SGTB: variants seen among roughly 807,000 people sequenced by gnomAD.
SGTB encodes the protein small glutamine rich tetratricopeptide repeat co-chaperone beta.
In SGTB, 19 loss-of-function variants were observed where a neutral mutation model predicts 43.9. The ratio of observed to expected loss-of-function variants is 0.43; its 90% CI spans 0.30 to 0.63. The LOEUF is 0.63. Ranked by LOEUF, SGTB falls within the 30% of genes least tolerant of loss-of-function variation. SGTB has a pLI of 0.12. For missense variants in SGTB, 304 were observed against 358.9 expected (o/e 0.85, Z 1.24); for synonymous variants, 116 against 117.3 (o/e 0.99, Z 0.07).
At chr5:65,710,504 T>C (rs746269335) in intron 3 of SGTB, among the ~76,000 whole-genome samples, 5 of 152,150 alleles carry the variant, frequency 3.3e-5, no homozygotes, top group African/African-American at 1.2e-4. Flanking sequence ...ATAAACATAA[T>C]TGGAGAAAAA....
At chr5:65,692,939 C>T (rs58166822) in intron 5 of SGTB, among the ~76,000 whole-genome samples, 2,773 of 152,190 alleles carry the variant, frequency 0.018, 68 homozygotes, top group African/African-American at 0.055. Flanking sequence ...GGTGCGGTGG[C>T]TCATGCCTGT....
intron 5 of SGTB, among the ~76,000 whole-genome samples, chr5:65,695,990 T>G (rs1044545546): frequency 6.6e-6 from 1 of 152,224 alleles, no homozygotes; most frequent in Non-Finnish European, 1.5e-5. Flanking sequence ...CCCAGTGGAC[T>G]GACTGACCAC....
intron 2 of SGTB, among the ~76,000 whole-genome samples, chr5:65,715,857 C>A (rs1353226978): frequency 6.6e-6 from 1 of 152,204 alleles, no homozygotes; most frequent in Non-Finnish European, 1.5e-5. Flanking sequence ...GTAACCTGTG[C>A]CTCCCGAGTT....
rs566810504 is a variant in SGTB at position 65,705,273 on chromosome 5, C to CA, written c.275-896_275-895insT. ...GCCTGGGCAATATAGTGGGACCCCC[C>CA]CTCATCTCAACAAAAAGAATAATTA... On this transcript the variant is annotated intron_variant, in intron 4 of 10. Transcript: ENST00000381007. Among the ~76,000 whole-genome samples, 136 of 151,374 alleles carry CA rather than the reference C, an allele frequency of 9.0e-4. 1 individual carries two copies. The highest frequency in any genetic ancestry group is 8.2e-3 in the Admixed American group (124 of 15,174).
intron 8 of SGTB, among the ~76,000 whole-genome samples, chr5:65,675,820 C>T (rs886617450): frequency 2.0e-5 from 3 of 152,170 alleles, no homozygotes; most frequent in East Asian, 1.9e-4. Flanking sequence ...CCAGACCTGC[C>T]TTACAAGAGT....
At chr5:65,683,945 CAA>C (rs1387434772) in intron 6 of SGTB, among the ~76,000 whole-genome samples, 8 of 80,484 alleles carry the variant, frequency 9.9e-5, no homozygotes, top group East Asian at 3.3e-4. Flanking sequence ...GACTCTGTCT[CAA>C]AAAAAAAAAA....
chr5:65,673,694 C>T lies in SGTB; in HGVS notation c.682-1413G>A, dbSNP rs138962285. Reference sequence around the variant, plus strand: ...TTTTTGAGATGAAGTTTCACTCTGTCACCCAGGCTGGAGTGCAATGGCATG... The same window carrying T: ...TTTTTGAGATGAAGTTTCACTCTGTTACCCAGGCTGGAGTGCAATGGCATG... On this transcript the variant is annotated intron_variant, in intron 8 of 10. Transcript: ENST00000381007. 1.0e-3 allele frequency among the ~76,000 whole-genome samples: 153 copies of T among 149,140 alleles called. 3 individuals carry two copies. In the East Asian group the frequency reaches 0.027, roughly 26 times the overall value.
rs1027030269 is a variant in SGTB, at chr5:65,668,390, A to T, written c.*1856T>A. 3.3e-5 allele frequency: 5 copies of T among 151,718 alleles called. No homozygotes were observed. Among genetic ancestry groups the T allele is most frequent in the Admixed American group, 2.6e-4 (4 of 15,208 alleles). The allele number at this position is 151,718 out of a possible 1,614,324, so 9.4% of individuals were successfully genotyped here. The stretch of plus-strand genomic sequence containing the variant: ...TTTGAGGGGCCAAGATGGGCAGATC[A>T]CTTGAGGTCAGGAGTTCGAGACCAG... On this transcript the variant is annotated 3_prime_UTR_variant, in exon 11 of 11. Transcript: ENST00000381007.
intron 5 of SGTB, among the ~76,000 whole-genome samples, chr5:65,700,513 TA>T (rs1297344010): frequency 6.7e-6 from 1 of 150,078 alleles, no homozygotes; most frequent in Non-Finnish European, 1.5e-5. Context: ...CCATCTCTAC[TA>T]AAAAAAATAC....
chr5:65,710,852 C>T (rs1010514214), intron 3 of SGTB, among the ~76,000 whole-genome samples: 38 of 151,914 alleles, frequency 2.5e-4, no homozygotes, highest in African/African-American at 8.9e-4. Context: ...TAGCCAGGGC[C>T]GGGTGTGGTG....
At chr5:65,704,855 G>A (rs2150718884) in intron 4 of SGTB, among the ~76,000 whole-genome samples, 1 of 152,270 alleles carries the variant, frequency 6.6e-6, no homozygotes, top group East Asian at 1.9e-4. Context: ...AGGATAAGCT[G>A]ATAAAACTAA....
intron 2 of SGTB, among the ~76,000 whole-genome samples, chr5:65,714,489 T>C (rs978246982): frequency 6.6e-6 from 1 of 152,066 alleles, no homozygotes; most frequent in African/African-American, 2.4e-5. Context: ...ATACAGTGGG[T>C]GGAAAGACAT....
chr5:65,685,335 T>A (rs774870738), intron 6 of SGTB, 33 bp downstream of exon 6: 1 of 1,574,638 alleles, frequency 6.4e-7, no homozygotes, highest in African/African-American at 1.3e-5. Context: ...TGATGCTACA[T>A]GGTACTACTT....
At chr5:65,686,390 T>G (rs192448641) in intron 5 of SGTB, among the ~76,000 whole-genome samples, 1 of 152,194 alleles carries the variant, frequency 6.6e-6, no homozygotes, top group African/African-American at 2.4e-5. Context: ...GGCTCCTTCA[T>G]GTTCTTCAGT....
chr5:65,673,976 G>A (rs1757214534), intron 8 of SGTB, among the ~76,000 whole-genome samples: 1 of 152,112 alleles, frequency 6.6e-6, no homozygotes, highest in Non-Finnish European at 1.5e-5. Context: ...TCTTTATCCT[G>A]TAGTACTTCC....
At chr5:65,718,117 T>C (rs967211810) in intron 2 of SGTB, among the ~76,000 whole-genome samples, 4 of 151,996 alleles carry the variant, frequency 2.6e-5, no homozygotes, top group Non-Finnish European at 5.9e-5. Flanking sequence ...ATGTTTGGGA[T>C]AGAGATTAGG....
chr5:65,703,476 C>T (rs1440608928), intron 5 of SGTB, among the ~76,000 whole-genome samples: 3 of 152,134 alleles, frequency 2.0e-5, no homozygotes, highest in Admixed American at 6.6e-5. Flanking sequence ...GAGGCCAAGG[C>T]AGGTGGATCA....
At chr5:65,684,716 C>T (rs1232826760) in intron 6 of SGTB, among the ~76,000 whole-genome samples, 1 of 151,922 alleles carries the variant, frequency 6.6e-6, no homozygotes, top group African/African-American at 2.4e-5. Flanking sequence ...CCATGCCTGG[C>T]TAATTTTTGT....
chr5:65,694,022 T>C (rs1331747252), intron 5 of SGTB, among the ~76,000 whole-genome samples: 1 of 152,214 alleles, frequency 6.6e-6, no homozygotes, highest in East Asian at 1.9e-4. Flanking sequence ...TACATTTTAA[T>C]TAATTTATAT....
Sources: gnomAD v4.1 joint callset for allele counts (sites outside exome capture counted in the v4.1 genomes callset) on GRCh38, gnomAD v4.1.1 for gene constraint, MANE v1.5 for transcripts, NCBI Gene and HGNC (gene_info 2026-07-23, HGNC 2026-07-21) for gene names.